Variants in KIF16B observed in about 807,000 individuals in gnomAD.
The protein encoded by KIF16B is kinesin family member 16B, also known as kinesin-like protein KIF16B.
In KIF16B, 98 loss-of-function variants were observed where a neutral mutation model predicts 156.3. That is an observed-to-expected ratio of 0.63 (90% CI 0.53 to 0.74). KIF16B has a LOEUF of 0.74. Ranked by LOEUF, KIF16B falls within the 30% of genes least tolerant of loss-of-function variation. KIF16B has a pLI of 0.00. For missense variants in KIF16B, 1,421 were observed against 1,606.5 expected (o/e 0.88, Z 1.97); for synonymous variants, 564 against 583.7 (o/e 0.97, Z 0.49).
chr20:16,320,428 G>A (rs1491002775), intron 24 of KIF16B, among the ~76,000 whole-genome samples: 1 of 151,990 alleles, frequency 6.6e-6, no homozygotes, highest in Non-Finnish European at 1.5e-5. Context: ...AAAAAAATGT[G>A]AGCCAGCAGG....
intron 1 of KIF16B, among the ~76,000 whole-genome samples, chr20:16,530,312 C>G (rs999723865): frequency 3.3e-5 from 5 of 152,164 alleles, no homozygotes; most frequent in African/African-American, 1.2e-4. Context: ...TGAGTCACTT[C>G]TAATGACTAC....
chr20:16,313,564 G>A (rs2063653099), intron 24 of KIF16B, among the ~76,000 whole-genome samples: 2 of 152,226 alleles, frequency 1.3e-5, no homozygotes. Context: ...CCCCAGAGCT[G>A]CACTTGCTCC....
intron 1 of KIF16B, among the ~76,000 whole-genome samples, chr20:16,565,343 G>C (rs2071213521): frequency 6.6e-6 from 1 of 152,132 alleles, no homozygotes; most frequent in African/African-American, 2.4e-5. Flanking sequence ...GTAGTTTCTG[G>C]AAAATTTGAC....
intron 2 of KIF16B, among the ~76,000 whole-genome samples, chr20:16,527,715 C>T (rs1371576715): frequency 6.6e-6 from 1 of 152,042 alleles, no homozygotes; most frequent in Non-Finnish European, 1.5e-5. Context: ...TAGCTAGGAC[C>T]ACAGGTGTGC....
intron 24 of KIF16B, among the ~76,000 whole-genome samples, chr20:16,321,415 A>G (rs1409775669): frequency 6.6e-6 from 1 of 152,080 alleles, no homozygotes; most frequent in African/African-American, 2.4e-5. Context: ...AGCTTAGCAA[A>G]TAGCTGGTTG....
chr20:16,444,202 T>G (rs1343863565), intron 12 of KIF16B, among the ~76,000 whole-genome samples: 1 of 152,212 alleles, frequency 6.6e-6, no homozygotes, highest in Non-Finnish European at 1.5e-5. Flanking sequence ...TGGAAAACTA[T>G]TTGGCAGTGT....
Position 16,528,444 on chromosome 20 carries a change from C to A in KIF16B, c.48-4G>T, listed in dbSNP as rs563556941. 51 of 1,596,592 alleles carry A rather than the reference C, an allele frequency of 3.2e-5. No individual in the cohort carries two copies. In the South Asian group the frequency reaches 5.0e-4, roughly 16 times the overall value. ...CTTGGCCTCCAAGTCCTTTTCCCTG[C>A]AATACAAATAATTCAGTAGTGGTTA... On this transcript the variant is annotated splice_region_variant and splice_polypyrimidine_tract_variant and intron_variant, in intron 1 of 25. Coordinates refer to ENST00000354981, the MANE Select transcript of KIF16B (RefSeq NM_024704.5).
chr20:16,556,949 A>G (rs1331983843), intron 1 of KIF16B, among the ~76,000 whole-genome samples: 2 of 152,060 alleles, frequency 1.3e-5, no homozygotes, highest in African/African-American at 2.4e-5. Flanking sequence ...GTGCTGTCCA[A>G]TATGGCAGCT....
At chr20:16,503,945 AGGT>A (rs2068699814) in intron 10 of KIF16B, among the ~76,000 whole-genome samples, 2 of 152,210 alleles carry the variant, frequency 1.3e-5, no homozygotes, top group African/African-American at 4.8e-5. Context: ...CCTCTCTAAT[AGGT>A]GATATGACAC....
intron 24 of KIF16B, among the ~76,000 whole-genome samples, chr20:16,318,163 C>T (rs1019140891): frequency 6.6e-6 from 1 of 151,634 alleles, no homozygotes; most frequent in African/African-American, 2.4e-5. Flanking sequence ...TAGTCCACTT[C>T]CCTTAAAGAT....
intron 12 of KIF16B, among the ~76,000 whole-genome samples, chr20:16,472,741 C>T (rs961143827): frequency 9.9e-5 from 15 of 152,084 alleles, no homozygotes; most frequent in East Asian, 9.7e-4. Context: ...ACAAACCTCT[C>T]GGCTGACTGA....
At chr20:16,338,457 A>C (rs1434500631) in intron 23 of KIF16B, among the ~76,000 whole-genome samples, 5 of 152,068 alleles carry the variant, frequency 3.3e-5, no homozygotes, top group Admixed American at 3.3e-4. Context: ...CTTCAGCCCT[A>C]TTGATCTCCT....
intron 20 of KIF16B, 63 bp downstream of exon 20, chr20:16,374,194 A>G (rs2064888321): frequency 1.4e-6 from 2 of 1,417,262 alleles, no homozygotes; most frequent in Non-Finnish European, 1.9e-6. Context: ...AGTTCAACAG[A>G]GAAACAATGA....
intron 1 of KIF16B, among the ~76,000 whole-genome samples, chr20:16,548,501 C>G (rs1282660337): frequency 6.6e-6 from 1 of 152,216 alleles, no homozygotes; most frequent in Admixed American, 6.5e-5. Flanking sequence ...AGCTCCGCCT[C>G]CTGTCATATC....
chr20:16,439,315 T>A (rs987829734), intron 12 of KIF16B, among the ~76,000 whole-genome samples: 3 of 152,160 alleles, frequency 2.0e-5, no homozygotes, highest in Non-Finnish European at 4.4e-5. Context: ...CTACTCTCCA[T>A]ATGGCAGCCA....
chr20:16,435,296 G>C (rs2066613671), intron 12 of KIF16B, among the ~76,000 whole-genome samples: 1 of 152,202 alleles, frequency 6.6e-6, no homozygotes, highest in Non-Finnish European at 1.5e-5. Context: ...GCCACATGGT[G>C]CATGTTGGGC....
At chr20:16,514,727 C>A (rs1175629606) in intron 4 of KIF16B, among the ~76,000 whole-genome samples, 1 of 151,058 alleles carries the variant, frequency 6.6e-6, no homozygotes, top group Non-Finnish European at 1.5e-5. Flanking sequence ...CCCGTCTCTA[C>A]TAAAAATACA....
chr20:16,316,831 A>G (rs1192878303), intron 24 of KIF16B, among the ~76,000 whole-genome samples: 1 of 152,210 alleles, frequency 6.6e-6, no homozygotes, highest in South Asian at 2.1e-4. Flanking sequence ...ATAGTTTTAA[A>G]AAATGGACAA....
intron 18 of KIF16B, 149 bp downstream of exon 18, chr20:16,381,543 AAG>A: frequency 4.6e-6 from 2 of 436,746 alleles, no homozygotes; most frequent in Non-Finnish European, 3.9e-6. Flanking sequence ...AAAAAAAAAA[AAG>A]ACCTGCAGTC....
Sources: allele counts gnomAD v4.1 joint callset (sites outside exome capture counted in the v4.1 genomes callset), GRCh38; gene constraint gnomAD v4.1.1; transcripts MANE v1.5; gene names NCBI Gene and HGNC (gene_info 2026-07-23, HGNC 2026-07-21).